The following XKR4 variants were observed in gnomAD, a reference collection of about 807,000 sequenced individuals.
The protein encoded by XKR4 is XK-related protein 4.
A neutral mutation model predicts 53.9 loss-of-function variants in XKR4; 12 were observed. That is an observed-to-expected ratio of 0.22 (90% CI 0.14 to 0.36). The LOEUF (loss-of-function observed/expected upper bound fraction) is 0.36, where lower values mean the gene tolerates loss of function less well. Among genes scored for constraint, XKR4 ranks in the 10% least tolerant of loss-of-function variants. XKR4 has a pLI of 1.00. For missense variants in XKR4, 799 were observed against 859.5 expected, an observed-to-expected ratio of 0.93 and a Z score of 0.88; for synonymous variants, 354 against 362.4, an observed-to-expected ratio of 0.98 and a Z score of 0.26.
intron 1 of XKR4, among the ~76,000 whole-genome samples, chr8:55,143,469 T>C (rs1454256466): frequency 6.6e-6 from 1 of 152,220 alleles, no homozygotes; most frequent in African/African-American, 2.4e-5. Flanking sequence ...TTTAAAAGTA[T>C]AAAAAATTAT....
intron 2 of XKR4, among the ~76,000 whole-genome samples, chr8:55,504,712 C>A (rs1806497899): frequency 6.6e-6 from 1 of 152,070 alleles, no homozygotes; most frequent in Non-Finnish European, 1.5e-5. Context: ...GATGGTTTTG[C>A]CTAACAGATG....
In XKR4 at chr8:55,424,477, A is replaced by G. The variant is rs1038343607; in HGVS notation, c.1006+66600A>G. Among the ~76,000 whole-genome samples the G allele has an allele frequency of 4.6e-5, 7 of 152,226 alleles. No homozygotes were observed. In the South Asian group the frequency reaches 6.2e-4, roughly 14 times the overall value. On this transcript the variant is annotated intron_variant, in intron 2 of 2. Coordinates refer to ENST00000327381, the MANE Select transcript of XKR4 (RefSeq NM_052898.2). The stretch of plus-strand genomic sequence containing the variant: ...AAAACAGAAGCACAGAGAATTTAAG[A>G]ACCTTTCCAGGGTCTGCTTTTAATA...
intron 1 of XKR4, among the ~76,000 whole-genome samples, chr8:55,329,006 A>G (rs1000157665): frequency 4.6e-5 from 7 of 152,098 alleles, no homozygotes; most frequent in African/African-American, 1.7e-4. Context: ...TCTCTTGTCC[A>G]CTGCTCTGTC....
intron 1 of XKR4, among the ~76,000 whole-genome samples, chr8:55,333,010 AC>A (rs1033562706): frequency 1.4e-5 from 2 of 146,416 alleles, no homozygotes; most frequent in Non-Finnish European, 3.0e-5. Flanking sequence ...CTGCTGTTGA[AC>A]CCTCTGGTGA....
At chr8:55,199,422 C>T (rs556044585) in intron 1 of XKR4, among the ~76,000 whole-genome samples, 3 of 152,188 alleles carry the variant, frequency 2.0e-5, no homozygotes, top group Non-Finnish European at 2.9e-5. Context: ...TTTAAAGCAC[C>T]CATTAATAAC....
At chr8:55,366,848 C>T (rs1275792858) in intron 2 of XKR4, among the ~76,000 whole-genome samples, 1 of 152,092 alleles carries the variant, frequency 6.6e-6, no homozygotes, top group Non-Finnish European at 1.5e-5. Flanking sequence ...CTCACTCCTG[C>T]ATCACTGCCA....
chr8:55,211,609 T>C (rs1159692687), intron 1 of XKR4, among the ~76,000 whole-genome samples: 1 of 152,228 alleles, frequency 6.6e-6, no homozygotes, highest in Non-Finnish European at 1.5e-5. Context: ...GGAAAGAATG[T>C]GGGCATGGGT....
At chr8:55,360,175 G>C (rs894328086) in intron 2 of XKR4, among the ~76,000 whole-genome samples, 1 of 152,174 alleles carries the variant, frequency 6.6e-6, no homozygotes, top group Non-Finnish European at 1.5e-5. Context: ...TTTTTAACAA[G>C]GCAGGTGGGT....
chr8:55,152,621 A>G (rs957297477), intron 1 of XKR4, among the ~76,000 whole-genome samples: 2 of 152,140 alleles, frequency 1.3e-5, no homozygotes, highest in Non-Finnish European at 2.9e-5. Flanking sequence ...AAATCTAGCA[A>G]TGGTACTCAT....
At chr8:55,493,501 A>G (rs747094835) in intron 2 of XKR4, among the ~76,000 whole-genome samples, 42 of 152,368 alleles carry the variant, frequency 2.8e-4, no homozygotes, top group Non-Finnish European at 2.5e-4. Context: ...AGGAATCCCA[A>G]CTGAGCACAA....
chr8:55,524,426 T>G lies in XKR4; in HGVS notation c.*199T>G. ...GCAGCTGCACCCGAGAGTCTCTGAC[T>G]CCACCTGAAAGAATGACGCTGGCTT... On this transcript the variant is annotated 3_prime_UTR_variant, in exon 3 of 3. Transcript: ENST00000327381. The G allele has an allele frequency of 1.7e-6, 1 of 602,198 alleles. No homozygotes were observed. Among genetic ancestry groups the G allele is most frequent in the Non-Finnish European group, 2.9e-6 (1 of 344,616 alleles). 37.3% of individuals were successfully genotyped at this position (602,198 alleles called of 1,614,324 possible).
chr8:55,277,251 A>C (rs954148354), intron 1 of XKR4, among the ~76,000 whole-genome samples: 1 of 152,228 alleles, frequency 6.6e-6, no homozygotes, highest in Non-Finnish European at 1.5e-5. Flanking sequence ...TTATAAATCC[A>C]TGATGCTAAG....
chr8:55,531,811 C>G lies in XKR4; in HGVS notation c.*7584C>G, dbSNP rs1230951591. Reference sequence around the variant, plus strand: ...TCACTAACTGTATTTCTCCAGCATACTGGTTATTTAGGAATAACAAATTTC... The same window carrying G: ...TCACTAACTGTATTTCTCCAGCATAGTGGTTATTTAGGAATAACAAATTTC... On this transcript the variant is annotated 3_prime_UTR_variant, in exon 3 of 3. Coordinates refer to ENST00000327381, the MANE Select transcript of XKR4 (RefSeq NM_052898.2). 1 of 152,244 alleles carries G rather than the reference C, an allele frequency of 6.6e-6. No homozygotes were observed. The highest frequency in any genetic ancestry group is 6.5e-5 in the Admixed American group (1 of 15,288). The allele number at this position is 152,244 out of a possible 1,614,324, so 9.4% of individuals were successfully genotyped here. A position where few individuals can be genotyped will look rare whatever the true frequency, so the allele number is the denominator to read the frequency against.
chr8:55,506,415 C>A (rs1412174463), intron 2 of XKR4, among the ~76,000 whole-genome samples: 1 of 152,232 alleles, frequency 6.6e-6, no homozygotes, highest in African/African-American at 2.4e-5. Flanking sequence ...TAGACCTGTA[C>A]TGCAGTGCCT....
chr8:55,348,885 A>G (rs1803689630), intron 1 of XKR4, among the ~76,000 whole-genome samples: 1 of 152,172 alleles, frequency 6.6e-6, no homozygotes, highest in Admixed American at 6.5e-5. Flanking sequence ...GACATATAGA[A>G]CTAGATAAAT....
At chr8:55,247,049 AAC>A (rs1818294929) in intron 1 of XKR4, among the ~76,000 whole-genome samples, 3 of 152,252 alleles carry the variant, frequency 2.0e-5, no homozygotes, top group African/African-American at 7.2e-5. Context: ...TCCCTTAGGA[AAC>A]CAGAGCTAAG....
rs1806875848 is a variant in XKR4, at chr8:55,525,835, A to T, written c.*1608A>T. 1 of 152,504 alleles carries T rather than the reference A, an allele frequency of 6.6e-6. No individual in the cohort carries two copies. The highest frequency in any genetic ancestry group is 2.1e-4 in the South Asian group (1 of 4,826). 9.4% of individuals were successfully genotyped at this position (152,504 alleles called of 1,614,324 possible). ...CATCATAATTACTTGGGATGTCAGAAACTGGTCCACAAATTCCATCAGCCT... is the reference window on the plus strand; with the variant it reads ...CATCATAATTACTTGGGATGTCAGATACTGGTCCACAAATTCCATCAGCCT... On this transcript the variant is annotated 3_prime_UTR_variant, in exon 3 of 3. Coordinates refer to ENST00000327381, the MANE Select transcript of XKR4 (RefSeq NM_052898.2).
intron 1 of XKR4, among the ~76,000 whole-genome samples, chr8:55,225,244 C>G (rs62517034): frequency 0.24 from 36,036 of 152,046 alleles, 4,740 homozygotes; most frequent in East Asian, 0.47. Context: ...TATAATGTTT[C>G]AATTCACAAT....
intron 2 of XKR4, among the ~76,000 whole-genome samples, chr8:55,466,494 G>T (rs1426552494): frequency 2.0e-5 from 3 of 152,044 alleles, no homozygotes; most frequent in Non-Finnish European, 4.4e-5. Flanking sequence ...ATGGAGTGGG[G>T]GGAGGGGGAA....
Sources: allele counts gnomAD v4.1 joint callset (sites outside exome capture counted in the v4.1 genomes callset), GRCh38; gene constraint gnomAD v4.1.1; transcripts MANE v1.5; gene names NCBI Gene and HGNC (gene_info 2026-07-23, HGNC 2026-07-21).